Variants in IFT80 observed in about 807,000 individuals in gnomAD.
IFT80 encodes intraflagellar transport 80.
In IFT80, 79 loss-of-function variants were observed where a neutral mutation model predicts 107.9. That is an observed-to-expected ratio of 0.73 (90% CI 0.61 to 0.88). The LOEUF is 0.88. IFT80 is among the 40% of genes least tolerant of loss of function. The pLI is 0.00. For missense variants in IFT80, 797 were observed against 914.2 expected (o/e 0.87, Z 1.65); for synonymous variants, 299 against 300.9 (o/e 0.99, Z 0.07).
intron 9 of IFT80, among the ~76,000 whole-genome samples, chr3:160,317,748 G>A (rs1559936537): frequency 6.6e-6 from 1 of 152,036 alleles, no homozygotes. Flanking sequence ...AATCAGCCCA[G>A]TCCAGACTGA....
intron 6 of IFT80, among the ~76,000 whole-genome samples, chr3:160,364,247 A>C (rs572078830): frequency 1.3e-5 from 2 of 152,376 alleles, no homozygotes; most frequent in African/African-American, 4.8e-5. Flanking sequence ...CAGATACATG[A>C]AAAAATGCTC....
At chr3:160,391,959 T>C (rs1713419292) in intron 1 of IFT80, among the ~76,000 whole-genome samples, 1 of 152,224 alleles carries the variant, frequency 6.6e-6, no homozygotes, top group South Asian at 2.1e-4. Context: ...ATGTAAGGTA[T>C]GACACAGTAG....
At chr3:160,325,569 T>A (rs1718621295) in intron 8 of IFT80, among the ~76,000 whole-genome samples, 1 of 151,976 alleles carries the variant, frequency 6.6e-6, no homozygotes, top group South Asian at 2.1e-4. Flanking sequence ...TGAAAACACA[T>A]CTCAGGGAAT....
At chr3:160,263,665 T>C (rs573863295) in intron 19 of IFT80, among the ~76,000 whole-genome samples, 3 of 152,120 alleles carry the variant, frequency 2.0e-5, no homozygotes, top group Non-Finnish European at 4.4e-5. Context: ...TTTTATTATG[T>C]ATTTCTTTAT....
chr3:160,367,640 C>G (rs891647373), intron 5 of IFT80, among the ~76,000 whole-genome samples: 1 of 152,112 alleles, frequency 6.6e-6, no homozygotes, highest in African/African-American at 2.4e-5. Context: ...AAGTTTACTT[C>G]CAGAGGAAAA....
At chr3:160,353,334 C>A (rs948221373) in intron 8 of IFT80, among the ~76,000 whole-genome samples, 3 of 152,166 alleles carry the variant, frequency 2.0e-5, no homozygotes, top group Non-Finnish European at 4.4e-5. Flanking sequence ...GCTCTGGTTG[C>A]AGGTAGTGAG....
At chr3:160,354,476 C>T (rs1441834153) in intron 8 of IFT80, among the ~76,000 whole-genome samples, 1 of 151,820 alleles carries the variant, frequency 6.6e-6, no homozygotes, top group African/African-American at 2.4e-5. Context: ...AGTGAAACCC[C>T]GTCTCCGCTA....
At chr3:160,322,042 A>C (rs1029866036) in intron 8 of IFT80, among the ~76,000 whole-genome samples, 1 of 144,028 alleles carries the variant, frequency 6.9e-6, no homozygotes, top group Non-Finnish European at 1.5e-5. Context: ...TTATTTATTT[A>C]TTATTATTAT....
chr3:160,299,634 T>C (rs541709165), intron 12 of IFT80, among the ~76,000 whole-genome samples: 1 of 152,308 alleles, frequency 6.6e-6, no homozygotes, highest in South Asian at 2.1e-4. Flanking sequence ...TGTGTACACT[T>C]ACTTCCCACT....
Position 160,336,784 on chromosome 3 carries a change from T to A in IFT80, c.778-16845A>T, listed in dbSNP as rs572771648. Among the ~76,000 whole-genome samples, 3 of 152,214 alleles carry A rather than the reference T, an allele frequency of 2.0e-5. No homozygotes were observed. The South Asian group carries it at 6.2e-4, about 32-fold the overall frequency. On this transcript the variant is annotated intron_variant, in intron 8 of 19. Coordinates refer to ENST00000326448, the MANE Select transcript of IFT80 (RefSeq NM_020800.3). ...TCTTATTGTAGATGGTCTGTTCTATTTGCTCTCTCTCTTTTTCTGGGATAT... is the reference window on the plus strand; with the variant it reads ...TCTTATTGTAGATGGTCTGTTCTATATGCTCTCTCTCTTTTTCTGGGATAT...
At chr3:160,367,977 A>G (rs1721979791) in intron 5 of IFT80, among the ~76,000 whole-genome samples, 1 of 151,920 alleles carries the variant, frequency 6.6e-6, no homozygotes, top group Non-Finnish European at 1.5e-5. Context: ...TAGTAACCCA[A>G]CTATATTTAC....
intron 11 of IFT80, among the ~76,000 whole-genome samples, chr3:160,302,359 A>G (rs1447264974): frequency 6.6e-6 from 1 of 151,992 alleles, no homozygotes; most frequent in African/African-American, 2.4e-5. Flanking sequence ...GCCCTTACAT[A>G]CTAGTGTATG....
At chr3:160,389,285 T>G (rs956759640) in intron 1 of IFT80, among the ~76,000 whole-genome samples, 1 of 152,206 alleles carries the variant, frequency 6.6e-6, no homozygotes, top group Non-Finnish European at 1.5e-5. Context: ...CTTAGATTTA[T>G]ATAGAAAAAT....
chr3:160,295,783 T>C (rs1316361396), intron 12 of IFT80, among the ~76,000 whole-genome samples: 1 of 152,088 alleles, frequency 6.6e-6, no homozygotes, highest in African/African-American at 2.4e-5. Flanking sequence ...AAAGAAAATG[T>C]GGTGTATATG....
intron 12 of IFT80, among the ~76,000 whole-genome samples, chr3:160,288,623 G>A (rs1378549058): frequency 6.6e-6 from 1 of 151,642 alleles, no homozygotes; most frequent in East Asian, 1.9e-4. Context: ...CATCTATAAG[G>A]AACTTAACAA....
At chr3:160,361,058 C>A (rs1721455376) in intron 6 of IFT80, among the ~76,000 whole-genome samples, 1 of 152,104 alleles carries the variant, frequency 6.6e-6, no homozygotes, top group Non-Finnish European at 1.5e-5. Context: ...GGGCTAAATG[C>A]CCCAATTAAA....
At chr3:160,274,940 T>C (rs1430965874) in intron 18 of IFT80, among the ~76,000 whole-genome samples, 1 of 152,156 alleles carries the variant, frequency 6.6e-6, no homozygotes, top group African/African-American at 2.4e-5. Flanking sequence ...AAATGATATA[T>C]GCAATGGTAC....
chr3:160,363,330 G>A (rs1037214079), intron 6 of IFT80, among the ~76,000 whole-genome samples: 7 of 152,064 alleles, frequency 4.6e-5, no homozygotes, highest in African/African-American at 1.7e-4. Context: ...CCTCTTAAAG[G>A]AGAACTACAA....
chr3:160,283,153 C>G (rs766179469), intron 13 of IFT80, among the ~76,000 whole-genome samples: 6 of 152,146 alleles, frequency 3.9e-5, no homozygotes, highest in African/African-American at 2.4e-5. Context: ...GAAGACTAGA[C>G]TCATATTCAC....
Sources: allele counts gnomAD v4.1 joint callset (sites outside exome capture counted in the v4.1 genomes callset), GRCh38; gene constraint gnomAD v4.1.1; transcripts MANE v1.5; gene names NCBI Gene and HGNC (gene_info 2026-07-23, HGNC 2026-07-21).